Variants in EYS observed in about 807,000 individuals in gnomAD.
The protein encoded by EYS is protein eyes shut homolog.
A neutral mutation model predicts 282.1 loss-of-function variants in EYS; 250 were observed. The ratio of observed to expected loss-of-function variants is 0.89; its 90% CI spans 0.80 to 0.98. EYS has a LOEUF of 0.98. Ranked by LOEUF, EYS falls within the 50% of genes least tolerant of loss-of-function variation. EYS has a pLI of 0.00. For missense variants in EYS, 4,016 were observed against 3,709.0 expected (o/e 1.08, Z -2.15); for synonymous variants, 1,355 against 1,282.9 (o/e 1.06, Z -1.20).
At position 64,219,752 on chromosome 6, in the gene EYS, T is replaced by C. The variant is rs533670435; in HGVS notation, c.6424+10840A>G. ...CGCATGTATGTTTACTGTGCCACTA[T>C]TCACAATAGCAAAGACTTGGAACCA... On this transcript the variant is annotated intron_variant, in intron 31 of 42. Coordinates refer to ENST00000503581, the MANE Select transcript of EYS (RefSeq NM_001142800.2). Among the ~76,000 whole-genome samples the C allele has an allele frequency of 5.3e-5, 8 of 152,324 alleles. No individual in the cohort carries two copies. The South Asian group carries it at 8.3e-4, about 16-fold the overall frequency.
intron 31 of EYS, among the ~76,000 whole-genome samples, chr6:64,202,738 A>G (rs975914048): frequency 2.6e-5 from 4 of 152,204 alleles, no homozygotes; most frequent in African/African-American, 7.2e-5. Flanking sequence ...CCTAAGTCCA[A>G]TAAGTATCCT....
intron 33 of EYS, 54 bp from the exon 34 acceptor site, chr6:63,999,237 G>T: frequency 2.1e-5 from 24 of 1,129,222 alleles, no homozygotes; most frequent in Non-Finnish European, 2.8e-5. Context: ...CAAGAAAGGA[G>T]TAACTTCACA....
At chr6:65,084,148 C>T (rs1774300391) in intron 12 of EYS, among the ~76,000 whole-genome samples, 1 of 152,028 alleles carries the variant, frequency 6.6e-6, no homozygotes, top group Non-Finnish European at 1.5e-5. Flanking sequence ...TGATACTGGT[C>T]TTTTCCCTTA....
intron 24 of EYS, among the ~76,000 whole-genome samples, chr6:64,614,169 C>T (rs1487865054): frequency 6.6e-6 from 1 of 152,106 alleles, no homozygotes. Context: ...CCACACCTCA[C>T]ACTTCTTTAA....
intron 22 of EYS, among the ~76,000 whole-genome samples, chr6:64,638,999 G>A: frequency 1.2e-5 from 1 of 85,314 alleles, no homozygotes; most frequent in African/African-American, 5.6e-5. Context: ...TTGAACAACA[G>A]AAATTCATTT....
intron 30 of EYS, among the ~76,000 whole-genome samples, chr6:64,250,426 A>G (rs1767172072): frequency 6.6e-6 from 1 of 152,208 alleles, no homozygotes; most frequent in Admixed American, 6.5e-5. Context: ...CTCTAAAGAG[A>G]AAACCTTACA....
intron 31 of EYS, among the ~76,000 whole-genome samples, chr6:64,215,334 G>C (rs1045340835): frequency 6.6e-6 from 1 of 151,812 alleles, no homozygotes; most frequent in Non-Finnish European, 1.5e-5. Context: ...AAGTGTATTT[G>C]TAAATATCGT....
chr6:64,197,409 A>G lies in EYS; in HGVS notation c.6424+33183T>C, dbSNP rs58016988. ...TAAAATTTATCTCCTGTCCTTAAACATATTTCCCAACAGTTTGAGAAGCTC... is the reference window on the plus strand; with the variant it reads ...TAAAATTTATCTCCTGTCCTTAAACGTATTTCCCAACAGTTTGAGAAGCTC... On this transcript the variant is annotated intron_variant, in intron 31 of 42. Transcript: ENST00000503581. 4.1e-3 allele frequency among the ~76,000 whole-genome samples: 627 copies of G among 152,284 alleles called. 5 individuals are homozygous for G. The highest frequency in any genetic ancestry group is 0.014 in the African/African-American group (602 of 41,554).
chr6:65,593,035 A>T (rs1165103338), intron 2 of EYS, among the ~76,000 whole-genome samples: 2 of 152,008 alleles, frequency 1.3e-5, no homozygotes, highest in Non-Finnish European at 1.5e-5. Context: ...TAAATCACTA[A>T]TAATTCAGCA....
chr6:64,012,290 T>C (rs1768673762), intron 33 of EYS, among the ~76,000 whole-genome samples: 1 of 152,182 alleles, frequency 6.6e-6, no homozygotes, highest in South Asian at 2.1e-4. Context: ...AGGCTACATT[T>C]AAGATAGAAA....
intron 1 of EYS, among the ~76,000 whole-genome samples, chr6:65,659,729 T>A (rs1448939915): frequency 1.3e-5 from 2 of 151,778 alleles, no homozygotes; most frequent in Non-Finnish European, 3.0e-5. Flanking sequence ...ACACAAACAT[T>A]AGAATTTTCA....
chr6:63,948,040 G>A (rs1582012676), intron 35 of EYS, among the ~76,000 whole-genome samples: 1 of 152,272 alleles, frequency 6.6e-6, no homozygotes, highest in South Asian at 2.1e-4. Flanking sequence ...TGACTCATGA[G>A]TAAAAATATA....
intron 2 of EYS, among the ~76,000 whole-genome samples, chr6:65,627,002 TTCTC>T (rs901058492): frequency 1.4e-5 from 2 of 138,764 alleles, no homozygotes; most frequent in Admixed American, 7.1e-5. Flanking sequence ...CTGCCTTTCT[TTCTC>T]TCTCTGCCCT....
chr6:65,266,879 T>C (rs961781639), intron 12 of EYS, among the ~76,000 whole-genome samples: 12 of 126,704 alleles, frequency 9.5e-5, no homozygotes, highest in African/African-American at 3.9e-4. Flanking sequence ...CACATCTTAA[T>C]GTGTGTGCAT....
At chr6:65,146,556 T>C (rs776355980) in intron 12 of EYS, among the ~76,000 whole-genome samples, 7 of 151,988 alleles carry the variant, frequency 4.6e-5, no homozygotes, top group Non-Finnish European at 8.8e-5. Flanking sequence ...AAGTAATCCT[T>C]GCTTTCTTCA....
At chr6:64,662,333 T>A (rs938391515) in intron 22 of EYS, among the ~76,000 whole-genome samples, 1 of 152,010 alleles carries the variant, frequency 6.6e-6, no homozygotes, top group Non-Finnish European at 1.5e-5. Context: ...TGTATACATA[T>A]GTAACTAACC....
Position 64,886,860 on chromosome 6 carries a change from A to G in EYS, c.2847-18T>C. ...AAAAAAATCTGGAGAAAAGTGGAGA[A>G]ATGAGGAATAGCCATGTAACAATGA... On this transcript the variant is annotated intron_variant, in intron 18 of 42. Transcript: ENST00000503581. 1 of 1,451,658 alleles carries G rather than the reference A, an allele frequency of 6.9e-7. No homozygotes were observed. Among genetic ancestry groups the G allele is most frequent in the Non-Finnish European group, 9.3e-7 (1 of 1,076,296 alleles). The allele number at this position is 1,451,658 out of a possible 1,614,324, so 89.9% of individuals were successfully genotyped here.
intron 24 of EYS, among the ~76,000 whole-genome samples, chr6:64,607,605 C>T (rs1392032998): frequency 1.3e-5 from 2 of 152,046 alleles, no homozygotes; most frequent in East Asian, 3.9e-4. Context: ...ATACCATAGT[C>T]TTAGGGGTTA....
intron 1 of EYS, among the ~76,000 whole-genome samples, chr6:65,674,371 T>C (rs1333579601): frequency 7.7e-6 from 1 of 130,062 alleles, no homozygotes; most frequent in African/African-American, 2.8e-5. Context: ...GAGAGGATTT[T>C]AAAAGCCAGC....
Sources: allele counts gnomAD v4.1 joint callset (sites outside exome capture counted in the v4.1 genomes callset), GRCh38; gene constraint gnomAD v4.1.1; transcripts MANE v1.5; gene names NCBI Gene and HGNC (gene_info 2026-07-23, HGNC 2026-07-21).